TUBGCP3: variants seen among roughly 807,000 people sequenced by gnomAD.
The protein encoded by TUBGCP3 is gamma-tubulin complex component 3.
A neutral mutation model predicts 123.1 loss-of-function variants in TUBGCP3; 50 were observed. That is an observed-to-expected ratio of 0.41 (90% CI 0.32 to 0.51). The LOEUF (loss-of-function observed/expected upper bound fraction) is 0.51. Ranked by LOEUF, TUBGCP3 falls within the 20% of genes least tolerant of loss-of-function variation. The pLI is 0.36. For synonymous variants in TUBGCP3, 405 were observed against 413.9 expected, an observed-to-expected ratio of 0.98 and a Z score of 0.26; for missense variants, 882 against 1,127.0, an observed-to-expected ratio of 0.78 and a Z score of 3.11.
chr13:112,557,672 T>C (rs1428815824), intron 5 of TUBGCP3, among the ~76,000 whole-genome samples: 1 of 152,250 alleles, frequency 6.6e-6, no homozygotes, highest in Non-Finnish European at 1.5e-5. Flanking sequence ...GAAAACATGC[T>C]TGGACCACAT....
At chr13:112,601,968 C>T in the TUBGCP3 span, among the ~76,000 whole-genome samples, 1 of 152,186 alleles carries the variant, frequency 6.6e-6, no homozygotes, top group Non-Finnish European at 1.5e-5. Context: ...ACTATTGCTC[C>T]TTATGCCAGG....
chr13:112,558,038 T>C (rs2296535), intron 5 of TUBGCP3, among the ~76,000 whole-genome samples, 158 bp downstream of exon 5: 45,377 of 152,168 alleles, frequency 0.3, 7,438 homozygotes, highest in African/African-American at 0.42. Flanking sequence ...AGGAGTAACG[T>C]TCAGAGATGG....
rs537827567 is a variant in TUBGCP3, at chr13:112,547,814, A to T, written c.1036-62T>A. 6 of 1,376,878 alleles carry T rather than the reference A, an allele frequency of 4.4e-6. No individual in the cohort carries two copies. In the South Asian group the frequency reaches 1.2e-4, roughly 27 times the overall value. The allele number at this position is 1,376,878 out of a possible 1,614,324, so 85.3% of individuals were successfully genotyped here. On this transcript the variant is annotated intron_variant, in intron 9 of 21. Transcript: ENST00000261965. Reference sequence around the variant, plus strand: ...ATAACCACATAGATCACACTTCTTAATCTATATCAAGTGAACATAAGAAAA... The same window carrying T: ...ATAACCACATAGATCACACTTCTTATTCTATATCAAGTGAACATAAGAAAA...
Position 112,587,983 on chromosome 13 carries a change from T to C in TUBGCP3, c.-3A>G. ...GACTTCTGGTCCGGGGTCGCCATCC[T>C]CGCCCGGAGCCGTGCACGGTGGTCC... On this transcript the variant is annotated 5_prime_UTR_variant, in exon 1 of 22. Coordinates refer to ENST00000261965, the MANE Select transcript of TUBGCP3 (RefSeq NM_006322.6). The C allele has an allele frequency of 6.3e-7, 1 of 1,575,938 alleles. No homozygotes were observed. Among genetic ancestry groups the C allele is most frequent in the Non-Finnish European group, 8.6e-7 (1 of 1,163,620 alleles).
intron 3 of TUBGCP3, among the ~76,000 whole-genome samples, chr13:112,560,761 G>A (rs1008113584): frequency 6.6e-6 from 1 of 152,134 alleles, no homozygotes; most frequent in Non-Finnish European, 1.5e-5. Context: ...TAAAAAATTG[G>A]TTGACATAGG....
chr13:112,513,104 G>C (rs1881780238), intron 17 of TUBGCP3, among the ~76,000 whole-genome samples: 1 of 152,090 alleles, frequency 6.6e-6, no homozygotes. Context: ...GAGGGAGAAA[G>C]AAAAAGCCTC....
intron 1 of TUBGCP3, among the ~76,000 whole-genome samples, chr13:112,578,558 CAAAAAA>C (rs71131496): frequency 1.6e-4 from 4 of 24,914 alleles, no homozygotes; most frequent in African/African-American, 3.0e-4. Flanking sequence ...GACTCCGTCT[CAAAAAA>C]AAAAAAAAAA....
intron 13 of TUBGCP3, among the ~76,000 whole-genome samples, chr13:112,523,016 C>T (rs1566549859): frequency 2.0e-5 from 3 of 152,192 alleles, no homozygotes; most frequent in Non-Finnish European, 2.9e-5. Flanking sequence ...CCAATAAAGA[C>T]GCCTGACTCT....
chr13:112,518,737 A>G (rs1876368123), intron 16 of TUBGCP3, among the ~76,000 whole-genome samples: 2 of 152,232 alleles, frequency 1.3e-5, no homozygotes, highest in African/African-American at 4.8e-5. Flanking sequence ...GCTGAAACCT[A>G]TGATAGAACA....
intron 1 of TUBGCP3, among the ~76,000 whole-genome samples, chr13:112,571,386 TC>T (rs1247962136): frequency 6.6e-6 from 1 of 152,252 alleles, no homozygotes; most frequent in African/African-American, 2.4e-5. Flanking sequence ...CAGTAAGGAA[TC>T]TTTTTCTGAG....
chr13:112,500,298 G>A (rs1454617076), intron 19 of TUBGCP3, among the ~76,000 whole-genome samples: 2 of 152,184 alleles, frequency 1.3e-5, no homozygotes, highest in Non-Finnish European at 2.9e-5. Context: ...AGCTTGACAA[G>A]GGTCCTATCA....
intron 11 of TUBGCP3, among the ~76,000 whole-genome samples, chr13:112,535,966 A>T (rs914534787): frequency 6.6e-6 from 1 of 152,230 alleles, no homozygotes. Flanking sequence ...AGAGATCCCA[A>T]TGCATTCTTC....
chr13:112,589,335 G>A (rs1356310446), upstream of TUBGCP3, among the ~76,000 whole-genome samples: 1 of 152,178 alleles, frequency 6.6e-6, no homozygotes, highest in African/African-American at 2.4e-5. Flanking sequence ...TCTCTCCTAG[G>A]ACAGACATGC....
the TUBGCP3 span, among the ~76,000 whole-genome samples, chr13:112,595,028 T>C: frequency 1.3e-5 from 2 of 152,232 alleles, no homozygotes; most frequent in Non-Finnish European, 2.9e-5. Flanking sequence ...TCTGCTGTTG[T>C]TGATCGCCAT....
At chr13:112,520,643 A>T (rs747856976) in intron 14 of TUBGCP3, among the ~76,000 whole-genome samples, 30 of 152,244 alleles carry the variant, frequency 2.0e-4, no homozygotes, top group Non-Finnish European at 3.2e-4. Flanking sequence ...GAGTAGCATG[A>T]GCTGATATAA....
chr13:112,550,972 G>A (rs1879527673), intron 8 of TUBGCP3, among the ~76,000 whole-genome samples: 1 of 152,138 alleles, frequency 6.6e-6, no homozygotes, highest in Admixed American at 6.5e-5. Flanking sequence ...GGTGGTGGGT[G>A]CCTGTGGTTC....
chr13:112,582,342 C>T (rs1032616919), intron 1 of TUBGCP3, among the ~76,000 whole-genome samples: 7 of 152,166 alleles, frequency 4.6e-5, no homozygotes, highest in Admixed American at 2.6e-4. Context: ...ATGAGACAGA[C>T]GTAGAACATA....
In TUBGCP3 at chr13:112,516,429, TG is replaced by T. The variant is rs747720517; in HGVS notation, c.2086+10del. 13 of 1,590,880 alleles carry T rather than the reference TG, an allele frequency of 8.2e-6. No individual in the cohort carries two copies. In the South Asian group the frequency reaches 1.2e-4, roughly 15 times the overall value. On this transcript the variant is annotated intron_variant, in intron 17 of 21. Coordinates refer to ENST00000261965, the MANE Select transcript of TUBGCP3 (RefSeq NM_006322.6). ...AGTGTGTGCGGACCCGTGACCGTGC[TG>T]GGGGCTCACCTGGCATGTTTCTCAG...
At chr13:112,560,424 C>T (rs1370995035) in intron 3 of TUBGCP3, among the ~76,000 whole-genome samples, 29 of 150,014 alleles carry the variant, frequency 1.9e-4, no homozygotes, top group African/African-American at 6.4e-4. Flanking sequence ...AGCGAGACTC[C>T]GTCTCAAAAA....
Sources: allele counts gnomAD v4.1 joint callset (sites outside exome capture counted in the v4.1 genomes callset), GRCh38; gene constraint gnomAD v4.1.1; transcripts MANE v1.5; gene names NCBI Gene and HGNC (gene_info 2026-07-23, HGNC 2026-07-21).